The following GABRP variants were observed in gnomAD, a reference collection of about 807,000 sequenced individuals.
GABRP encodes the protein gamma-aminobutyric acid receptor subunit pi.
A neutral mutation model predicts 47.8 loss-of-function variants in GABRP; 52 were observed. That is an observed-to-expected ratio of 1.09 (90% CI 0.87 to 1.37). GABRP has a LOEUF of 1.37. Ranked by LOEUF, GABRP falls within the 40% of genes most tolerant of loss-of-function variation. The pLI is 0.00. For synonymous variants in GABRP, 221 were observed against 205.8 expected (o/e 1.07, Z -0.63); for missense variants, 525 against 542.8 (o/e 0.97, Z 0.33).
At chr5:170,790,220 A>T (rs1765230567) in intron 3 of GABRP, among the ~76,000 whole-genome samples, 1 of 152,196 alleles carries the variant, frequency 6.6e-6, no homozygotes, top group South Asian at 2.1e-4. Context: ...GCAGAAAACA[A>T]CAGAAAGAGC....
Position 170,798,899 on chromosome 5 carries a change from A to G in GABRP, c.541+1351A>G, listed in dbSNP as rs959957702. On this transcript the variant is annotated intron_variant, in intron 6 of 9. Transcript: ENST00000265294. Reference sequence around the variant, plus strand: ...GCCGTGTTGGTGTGCTGCACCCATTAACTCGTCATTTACATTAGGTATATC... The same window carrying G: ...GCCGTGTTGGTGTGCTGCACCCATTGACTCGTCATTTACATTAGGTATATC... Among the ~76,000 whole-genome samples, 4 of 151,660 alleles carry G rather than the reference A, an allele frequency of 2.6e-5. 1 individual carries two copies. In the South Asian group the frequency reaches 8.4e-4, roughly 32 times the overall value.
intron 5 of GABRP, 40 bp downstream of exon 5, chr5:170,795,465 G>C (rs766665130): frequency 6.5e-7 from 1 of 1,534,060 alleles, no homozygotes; most frequent in Non-Finnish European, 9.0e-7. Context: ...GAGGACGGCA[G>C]CTGGGAGAAA....
intron 3 of GABRP, among the ~76,000 whole-genome samples, chr5:170,792,142 G>A (rs1482709941): frequency 2.0e-5 from 3 of 152,270 alleles, no homozygotes; most frequent in Admixed American, 1.3e-4. Flanking sequence ...CTGTTTTACA[G>A]GTGTGAAACT....
chr5:170,806,481 C>A (rs1402861456), intron 7 of GABRP, among the ~76,000 whole-genome samples: 5 of 152,174 alleles, frequency 3.3e-5, no homozygotes, highest in African/African-American at 1.2e-4. Flanking sequence ...CAAAGTCTTT[C>A]GCACAGGCTG....
At chr5:170,795,130 T>C in intron 4 of GABRP, 78 bp from the exon 5 acceptor site, 1 of 1,027,542 alleles carries the variant, frequency 9.7e-7, no homozygotes, top group South Asian at 1.3e-5. Context: ...GAGTAAACTT[T>C]GACCACTTTC....
chr5:170,797,385 CTTT>C, intron 5 of GABRP, 78 bp from the exon 6 acceptor site: 1 of 861,238 alleles, frequency 1.2e-6, no homozygotes. Context: ...TGAAAGTCTT[CTTT>C]GAGTGGGCCT....
At chr5:170,797,069 G>A (rs1168888027) in intron 5 of GABRP, among the ~76,000 whole-genome samples, 1 of 152,232 alleles carries the variant, frequency 6.6e-6, no homozygotes, top group Non-Finnish European at 1.5e-5. Flanking sequence ...AGCCACATGA[G>A]CCTATGCAAG....
Position 170,812,389 on chromosome 5 carries a change from C to A in GABRP, c.*131C>A. The A allele has an allele frequency of 1.4e-6, 1 of 711,980 alleles. No homozygotes were observed. Among genetic ancestry groups the A allele is most frequent in the Non-Finnish European group, 2.3e-6 (1 of 429,506 alleles). The allele number at this position is 711,980 out of a possible 1,614,324, so 44.1% of individuals were successfully genotyped here. On this transcript the variant is annotated 3_prime_UTR_variant, in exon 10 of 10. Transcript: ENST00000265294. Reference sequence around the variant, plus strand: ...TGACTGAAATAATATTTGAGTCTTTCTGCTCAAAGAATGAAGCTCCAACCA... The same window carrying A: ...TGACTGAAATAATATTTGAGTCTTTATGCTCAAAGAATGAAGCTCCAACCA...
intron 1 of GABRP, 26 bp from the exon 2 acceptor site, chr5:170,788,548 C>G (rs560421420): frequency 6.5e-7 from 1 of 1,536,894 alleles, no homozygotes; most frequent in African/African-American, 1.4e-5. Context: ...CACGGCCTTC[C>G]ACTTACCTTG....
intron 1 of GABRP, among the ~76,000 whole-genome samples, chr5:170,785,672 AGAG>A (rs1296447824): frequency 1.3e-5 from 2 of 152,222 alleles, no homozygotes; most frequent in Non-Finnish European, 2.9e-5. Context: ...GCACTATTCA[AGAG>A]GAGTCTTGGA....
At position 170,794,217 on chromosome 5, in the gene GABRP, T is replaced by C. The variant is rs748494416; in HGVS notation, c.173-14T>C. On this transcript the variant is annotated splice_polypyrimidine_tract_variant and intron_variant, in intron 3 of 9. Coordinates refer to ENST00000265294, the MANE Select transcript of GABRP (RefSeq NM_014211.3). ...GGTTGTGTTTCCATTCTTTCTTGTT[T>C]TTTTTTATCTTAGGAGAACCCGTAC... The C allele has an allele frequency of 1.3e-6, 2 of 1,593,324 alleles. No homozygotes were observed. Among genetic ancestry groups the C allele is most frequent in the East Asian group, 4.5e-5 (2 of 44,780 alleles).
intron 6 of GABRP, among the ~76,000 whole-genome samples, chr5:170,800,772 C>A (rs1765570191): frequency 6.6e-6 from 1 of 152,110 alleles, no homozygotes; most frequent in Non-Finnish European, 1.5e-5. Flanking sequence ...ATGGTGAAAC[C>A]CCATCTCTAC....
intron 4 of GABRP, among the ~76,000 whole-genome samples, chr5:170,794,786 T>C (rs1403447850): frequency 6.6e-6 from 1 of 151,942 alleles, no homozygotes; most frequent in Non-Finnish European, 1.5e-5. Context: ...GAGGGTATGC[T>C]GTGCATTCCA....
In GABRP at chr5:170,795,279, C is replaced by T; in HGVS notation, c.312C>T (p.Ser104=). 1.2e-6 allele frequency: 2 copies of T among 1,613,820 alleles called. No individual in the cohort carries two copies. The highest frequency in any genetic ancestry group is 1.1e-5 in the South Asian group (1 of 91,054). The change falls in exon 5 of 10, where the codon AGC becomes AGT. Residue 104 remains serine, a synonymous_variant. Coordinates refer to ENST00000265294, the MANE Select transcript of GABRP (RefSeq NM_014211.3). ...DQRLVFEGNK[S]FTLDARLVEF... ...GGCTGGTGTTTGAAGGCAACAAGAG[C>T]TTCACTCTGGATGCCCGCCTCGTGG...
At chr5:170,791,332 C>T (rs1765262195) in intron 3 of GABRP, among the ~76,000 whole-genome samples, 1 of 152,190 alleles carries the variant, frequency 6.6e-6, no homozygotes, top group Non-Finnish European at 1.5e-5. Flanking sequence ...CCTGAAAATC[C>T]CTATACTTGC....
At position 170,811,996 on chromosome 5, in the gene GABRP, T is replaced by C; in HGVS notation, c.1061T>C (p.Ile354Thr). Reference protein sequence around the residue: ...KEVEEVSITNIINSSISSFKR... With the variant: ...KEVEEVSITNTINSSISSFKR... ...GTAGAAGAAGTCAGTATTACTAATA[T>C]CATCAACAGCTCCATCTCCAGCTTT... Residue 354 changes from isoleucine (I) to threonine (T), a missense_variant, in exon 10 of 10, where the codon ATC becomes ACC. Ile to Thr is a moderately conservative substitution (Grantham distance 89). Transcript: ENST00000265294. The C allele has an allele frequency of 1.2e-6, 2 of 1,614,198 alleles. No homozygotes were observed. Among genetic ancestry groups the C allele is most frequent in the African/African-American group, 2.7e-5 (2 of 75,056 alleles).
In GABRP at chr5:170,789,260, C is replaced by T; in HGVS notation, c.172+13C>T. On this transcript the variant is annotated intron_variant, in intron 3 of 9. Coordinates refer to ENST00000265294, the MANE Select transcript of GABRP (RefSeq NM_014211.3). The stretch of plus-strand genomic sequence containing the variant: ...CCCAATTTTGGTGGTAGGTCATCCT[C>T]TGTGTCCAGGACATCATTCAAAGGG... 1.3e-6 allele frequency: 2 copies of T among 1,540,470 alleles called. No individual in the cohort carries two copies. Among genetic ancestry groups the T allele is most frequent in the Non-Finnish European group, 1.8e-6 (2 of 1,113,712 alleles).
At chr5:170,788,275 G>A (rs757644717) in intron 1 of GABRP, 62 of 204,788 alleles carry the variant, frequency 3.0e-4, no homozygotes, top group Non-Finnish European at 4.5e-4. Context: ...GCTGGAGCCT[G>A]GGAAGTTGAG....
At chr5:170,787,380 G>A (rs982559348) in intron 1 of GABRP, among the ~76,000 whole-genome samples, 2 of 152,336 alleles carry the variant, frequency 1.3e-5, no homozygotes, top group East Asian at 1.9e-4. Flanking sequence ...AGCATGACAG[G>A]TCACAGGCTG....
Sources: allele counts gnomAD v4.1 joint callset (sites outside exome capture counted in the v4.1 genomes callset), GRCh38; gene constraint gnomAD v4.1.1; transcripts MANE v1.5; gene names NCBI Gene and HGNC (gene_info 2026-07-23, HGNC 2026-07-21).